SGCZ: variants seen among roughly 807,000 people sequenced by gnomAD.
SGCZ encodes the protein sarcoglycan zeta, also known as zeta-sarcoglycan.
SGCZ carries 40 observed loss-of-function variants against 41.3 expected under a neutral mutation model. The ratio of observed to expected loss-of-function variants is 0.97; its 90% CI spans 0.75 to 1.26. The LOEUF (loss-of-function observed/expected upper bound fraction) is 1.26. Ranked by LOEUF, SGCZ falls within the 50% of genes most tolerant of loss-of-function variation. SGCZ has a pLI of 0.00. For synonymous variants in SGCZ, 206 were observed against 137.5 expected, an observed-to-expected ratio of 1.50 and a Z score of -3.49; for missense variants, 552 against 369.8, an observed-to-expected ratio of 1.49 and a Z score of -4.04.
At chr8:14,715,561 A>AC in intron 1 of SGCZ, among the ~76,000 whole-genome samples, 1 of 65,082 alleles carries the variant, frequency 1.5e-5, no homozygotes, top group East Asian at 6.6e-4. Context: ...CACACACACA[A>AC]ACATGCACAC....
chr8:14,772,778 T>A (rs1426081257), intron 1 of SGCZ, among the ~76,000 whole-genome samples: 1 of 152,110 alleles, frequency 6.6e-6, no homozygotes, highest in East Asian at 1.9e-4. Context: ...TGTGGCTGCA[T>A]AGTATTCCAT....
chr8:14,948,922 T>A (rs778436700), intron 1 of SGCZ, among the ~76,000 whole-genome samples: 1 of 151,898 alleles, frequency 6.6e-6, no homozygotes, highest in Admixed American at 6.6e-5. Flanking sequence ...AAGCCAGGAT[T>A]TCTCCACTTT....
At chr8:14,178,617 T>C (rs913871051) in intron 4 of SGCZ, among the ~76,000 whole-genome samples, 2 of 152,210 alleles carry the variant, frequency 1.3e-5, no homozygotes, top group African/African-American at 4.8e-5. Context: ...CAGCTGAATT[T>C]TCTGAATCAC....
At chr8:14,423,468 G>C (rs1317293091) in intron 2 of SGCZ, among the ~76,000 whole-genome samples, 1 of 152,064 alleles carries the variant, frequency 6.6e-6, no homozygotes, top group East Asian at 1.9e-4. Context: ...CCAGGCCAGA[G>C]TGCAATGGTG....
At chr8:14,190,435 A>G (rs1680075128) in intron 4 of SGCZ, among the ~76,000 whole-genome samples, 1 of 151,934 alleles carries the variant, frequency 6.6e-6, no homozygotes, top group Admixed American at 6.6e-5. Flanking sequence ...TTCATTATTG[A>G]TACGTCTATC....
At chr8:15,213,341 AT>A (rs1801298529) in intron 1 of SGCZ, among the ~76,000 whole-genome samples, 1 of 151,802 alleles carries the variant, frequency 6.6e-6, no homozygotes, top group Non-Finnish European at 1.5e-5. Flanking sequence ...TACACAAAAA[AT>A]TTTTTTCCCT....
chr8:14,918,074 A>C (rs1298226017), intron 1 of SGCZ, among the ~76,000 whole-genome samples: 1 of 152,206 alleles, frequency 6.6e-6, no homozygotes, highest in Non-Finnish European at 1.5e-5. Flanking sequence ...TTCTGTTAAA[A>C]ATGATTGCCT....
At chr8:14,246,762 T>C (rs1298041283) in intron 3 of SGCZ, among the ~76,000 whole-genome samples, 1 of 151,068 alleles carries the variant, frequency 6.6e-6, no homozygotes, top group Non-Finnish European at 1.5e-5. Flanking sequence ...AATAAGAAAT[T>C]AGCCAGTCAT....
chr8:14,441,371 T>C (rs772267139), intron 2 of SGCZ, among the ~76,000 whole-genome samples: 10 of 152,098 alleles, frequency 6.6e-5, no homozygotes, highest in Admixed American at 2.6e-4. Flanking sequence ...GGTCAAGAGA[T>C]TGAGGCCATC....
Position 14,108,218 on chromosome 8 carries a change from A to G in SGCZ, c.565T>C (p.Phe189Leu), listed in dbSNP as rs763093720. 1 of 1,614,120 alleles carries G rather than the reference A, an allele frequency of 6.2e-7. No individual in the cohort carries two copies. Among genetic ancestry groups the G allele is most frequent in the Non-Finnish European group, 8.5e-7 (1 of 1,180,006 alleles). The stretch of plus-strand genomic sequence containing the variant: ...TGCGGCGTCTCCACAGAGTGCCCAA[A>G]TACGGCTCCTTCAGTGCCTGGGGGT... Reference protein sequence around the residue: ...LKVTGTEGAVFGHSVETPHIR... With the variant: ...LKVTGTEGAVLGHSVETPHIR... Residue 189 changes from phenylalanine (F) to leucine (L), a missense_variant, in exon 6 of 8, where the codon TTT becomes CTT. Coordinates refer to ENST00000382080, the MANE Select transcript of SGCZ (RefSeq NM_139167.4).
intron 1 of SGCZ, among the ~76,000 whole-genome samples, chr8:14,700,357 G>A (rs960001794): frequency 8.6e-5 from 13 of 151,890 alleles, no homozygotes; most frequent in Admixed American, 5.9e-4. Flanking sequence ...ATTGATGCAG[G>A]AGCAGAAAAT....
chr8:14,913,135 T>C (rs1000470531), intron 1 of SGCZ, among the ~76,000 whole-genome samples: 3 of 152,080 alleles, frequency 2.0e-5, no homozygotes, highest in Non-Finnish European at 4.4e-5. Context: ...TTTTTAATTA[T>C]ACATTCTCAC....
chr8:14,091,690 A>C (rs966253611), intron 7 of SGCZ, among the ~76,000 whole-genome samples: 7 of 151,750 alleles, frequency 4.6e-5, no homozygotes, highest in Admixed American at 4.6e-4. Context: ...TTTTCCTGTA[A>C]ATTTGTTTGT....
intron 1 of SGCZ, among the ~76,000 whole-genome samples, chr8:15,090,184 A>G (rs1378128631): frequency 6.6e-6 from 1 of 152,228 alleles, no homozygotes; most frequent in Non-Finnish European, 1.5e-5. Context: ...GACATCCACA[A>G]GAAGCAAATT....
chr8:14,211,803 A>G (rs974587850), intron 4 of SGCZ, among the ~76,000 whole-genome samples: 1 of 152,132 alleles, frequency 6.6e-6, no homozygotes, highest in Non-Finnish European at 1.5e-5. Flanking sequence ...CCAATTCAAC[A>G]TGAGATTTGG....
At chr8:15,053,680 G>A (rs1313557705) in intron 1 of SGCZ, among the ~76,000 whole-genome samples, 1 of 152,068 alleles carries the variant, frequency 6.6e-6, no homozygotes, top group African/African-American at 2.4e-5. Context: ...GGGGGGGTTG[G>A]GGGCTCAGTG....
chr8:14,953,097 G>A (rs1297672445), intron 1 of SGCZ, among the ~76,000 whole-genome samples: 1 of 152,132 alleles, frequency 6.6e-6, no homozygotes, highest in South Asian at 2.1e-4. Flanking sequence ...TCACCTCTAT[G>A]CGTCCGTTCT....
intron 2 of SGCZ, among the ~76,000 whole-genome samples, chr8:14,552,791 C>T (rs12549054): frequency 0.092 from 14,016 of 151,930 alleles, 859 homozygotes; most frequent in East Asian, 0.29. Flanking sequence ...CATGTAATTA[C>T]GCATTTAAGT....
intron 1 of SGCZ, among the ~76,000 whole-genome samples, chr8:15,140,586 C>G (rs1004943858): frequency 1.3e-5 from 2 of 151,964 alleles, no homozygotes; most frequent in African/African-American, 4.8e-5. Flanking sequence ...CAACAAAAAC[C>G]AAAAATGACC....
Sources: gnomAD v4.1 joint callset for allele counts (sites outside exome capture counted in the v4.1 genomes callset) on GRCh38, gnomAD v4.1.1 for gene constraint, MANE v1.5 for transcripts, NCBI Gene and HGNC (gene_info 2026-07-23, HGNC 2026-07-21) for gene names.